The following GLB1 variants were observed in gnomAD, a reference collection of about 807,000 sequenced individuals.
GLB1 encodes galactosidase beta 1.
A neutral mutation model predicts 74.0 loss-of-function variants in GLB1; 56 were observed. That is an observed-to-expected ratio of 0.76 (90% CI 0.61 to 0.94). The LOEUF (loss-of-function observed/expected upper bound fraction) is 0.94, where lower values mean the gene tolerates loss of function less well. GLB1 is among the 40% of genes least tolerant of loss of function. GLB1 has a pLI of 0.00. For missense variants in GLB1, 787 were observed against 845.5 expected (o/e 0.93, Z 0.86); for synonymous variants, 323 against 323.6 (o/e 1.00, Z 0.02).
At chr3:33,054,577 C>T (rs539313077) in intron 6 of GLB1, among the ~76,000 whole-genome samples, 1 of 152,180 alleles carries the variant, frequency 6.6e-6, no homozygotes, top group Non-Finnish European at 1.5e-5. Flanking sequence ...ACACCATACA[C>T]ATGATACTAC....
chr3:33,092,287 G>T, intron 1 of GLB1: 1 of 986,750 alleles, frequency 1.0e-6, no homozygotes, highest in Non-Finnish European at 1.2e-6. Flanking sequence ...GATCCTGATA[G>T]AATCAGAGGA....
At chr3:33,004,845 G>T (rs979792355) in intron 15 of GLB1, among the ~76,000 whole-genome samples, 3 of 152,170 alleles carry the variant, frequency 2.0e-5, no homozygotes, top group African/African-American at 7.2e-5. Context: ...CTATCAGGCT[G>T]GAGGTGCCTA....
At position 33,024,342 on chromosome 3, in the gene GLB1, A is replaced by C; in HGVS notation, c.1069-17T>G. 1 of 1,605,086 alleles carries C rather than the reference A, an allele frequency of 6.2e-7. No individual in the cohort carries two copies. The highest frequency in any genetic ancestry group is 8.5e-7 in the Non-Finnish European group (1 of 1,176,962). ...TTTTTCAAACTATAAACCAGAGTAG[A>C]AAAAGAGAGAAAAGAAAAAAAGTTG... On this transcript the variant is annotated splice_polypyrimidine_tract_variant and intron_variant, in intron 10 of 15. Transcript: ENST00000307363.
At chr3:33,027,173 C>G (rs2125484159) in intron 10 of GLB1, among the ~76,000 whole-genome samples, 1 of 152,362 alleles carries the variant, frequency 6.6e-6, no homozygotes, top group Admixed American at 6.5e-5. Flanking sequence ...GGCACTATTG[C>G]ATACCCTGAT....
At chr3:33,007,727 T>C (rs1369890616) in intron 15 of GLB1, among the ~76,000 whole-genome samples, 1 of 152,244 alleles carries the variant, frequency 6.6e-6, no homozygotes, top group African/African-American at 2.4e-5. Context: ...TTTGGGGGTC[T>C]GAACCCTTTG....
chr3:33,062,471 T>C (rs1699482075), intron 5 of GLB1, among the ~76,000 whole-genome samples: 1 of 152,064 alleles, frequency 6.6e-6, no homozygotes, highest in Non-Finnish European at 1.5e-5. Context: ...CCTTGGCCCT[T>C]TTACAGAAAT....
At chr3:33,008,359 G>A (rs1382733925) in intron 15 of GLB1, among the ~76,000 whole-genome samples, 1 of 152,126 alleles carries the variant, frequency 6.6e-6, no homozygotes, top group African/African-American at 2.4e-5. Context: ...TATGAGAACA[G>A]GATCTTGCCC....
chr3:33,076,052 A>G (rs1700090552), intron 1 of GLB1, among the ~76,000 whole-genome samples: 1 of 151,948 alleles, frequency 6.6e-6, no homozygotes, highest in African/African-American at 2.4e-5. Flanking sequence ...CTCAAAAAAA[A>G]AAAAAAAAAG....
chr3:33,036,340 G>C (rs1317517919), intron 10 of GLB1, among the ~76,000 whole-genome samples: 1 of 152,152 alleles, frequency 6.6e-6, no homozygotes, highest in Non-Finnish European at 1.5e-5. Context: ...CTAGAAGTAT[G>C]AGAGAATAAA....
the GLB1 span, among the ~76,000 whole-genome samples, chr3:32,987,003 AC>A: frequency 2.0e-5 from 3 of 152,098 alleles, no homozygotes; most frequent in East Asian, 5.8e-4. Context: ...TGCCCACCCA[AC>A]TTTCCTTTAT....
intron 2 of GLB1, among the ~76,000 whole-genome samples, chr3:33,069,297 T>A (rs999937395): frequency 2.0e-5 from 3 of 151,892 alleles, no homozygotes; most frequent in African/African-American, 7.3e-5. Context: ...GAGGTGGAGG[T>A]TTGCTTAAGC....
At chr3:33,010,456 C>T (rs1228922979) in intron 15 of GLB1, among the ~76,000 whole-genome samples, 1 of 152,144 alleles carries the variant, frequency 6.6e-6, no homozygotes, top group Non-Finnish European at 1.5e-5. Flanking sequence ...AATGTCTATT[C>T]AAGTTCTTTG....
chr3:33,053,182 G>C (rs1327712085), intron 7 of GLB1, among the ~76,000 whole-genome samples: 2 of 152,178 alleles, frequency 1.3e-5, no homozygotes, highest in South Asian at 2.1e-4. Flanking sequence ...TAAAAATGGA[G>C]ACAATAAGAC....
intron 10 of GLB1, chr3:33,033,942 G>T: frequency 1.8e-6 from 1 of 551,938 alleles, no homozygotes; most frequent in Non-Finnish European, 3.6e-6. Context: ...TATGGCACCC[G>T]CCTGGCAACC....
chr3:33,079,172 C>G (rs947556539), intron 1 of GLB1, among the ~76,000 whole-genome samples: 2 of 152,096 alleles, frequency 1.3e-5, no homozygotes, highest in African/African-American at 2.4e-5. Context: ...ATAGTTAACT[C>G]TGGGAGAGTA....
chr3:32,966,435 T>C, the GLB1 span, among the ~76,000 whole-genome samples: 1 of 152,320 alleles, frequency 6.6e-6, no homozygotes, highest in East Asian at 1.9e-4. Context: ...TTGGAGCAGC[T>C]GTATTTACCC....
chr3:32,970,778 C>T, the GLB1 span, among the ~76,000 whole-genome samples: 479 of 152,232 alleles, frequency 3.1e-3, 4 homozygotes, highest in African/African-American at 0.011. Flanking sequence ...ACCTAACCAC[C>T]GGTAAGAAGG....
At chr3:33,034,675 C>G in intron 10 of GLB1, 1 of 730,656 alleles carries the variant, frequency 1.4e-6, no homozygotes, top group African/African-American at 1.7e-5. Context: ...ACATATTGGC[C>G]ATCTCTGGTG....
chr3:33,074,340 G>GGAAA (rs71630563), intron 1 of GLB1, among the ~76,000 whole-genome samples: 6,927 of 38,448 alleles, frequency 0.18, 2,315 homozygotes, highest in East Asian at 0.3. Context: ...AAGGAAGGAA[G>GGAAA]GAAGGAAGGA....
Sources: gnomAD v4.1 joint callset for allele counts (sites outside exome capture counted in the v4.1 genomes callset) on GRCh38, gnomAD v4.1.1 for gene constraint, MANE v1.5 for transcripts, NCBI Gene and HGNC (gene_info 2026-07-23, HGNC 2026-07-21) for gene names.